The following TECRL variants were observed in gnomAD, a reference collection of about 807,000 sequenced individuals.
TECRL encodes trans-2,3-enoyl-CoA reductase like, also known as trans-2,3-enoyl-CoA reductase-like.
A neutral mutation model predicts 52.8 loss-of-function variants in TECRL; 63 were observed. The ratio of observed to expected loss-of-function variants is 1.19; its 90% confidence interval spans 0.97 to 1.47. The LOEUF (loss-of-function observed/expected upper bound fraction) is 1.47, where lower values mean the gene tolerates loss of function less well. Ranked by LOEUF, TECRL falls within the 40% of genes most tolerant of loss-of-function variation. The pLI is 0.00. For missense variants in TECRL, 482 were observed against 429.6 expected (o/e 1.12, Z -1.08); for synonymous variants, 164 against 141.9 (o/e 1.16, Z -1.10).
At position 64,328,649 on chromosome 4, in the gene TECRL, G is replaced by A. The variant is rs533944281; in HGVS notation, c.287-93C>T. On this transcript the variant is annotated intron_variant, in intron 2 of 11. Transcript: ENST00000381210. ...TCCATGGGAAGACCATTTAGATCTA[G>A]GAAGTAAATAAAATGGGTTATCTAG... The A allele has an allele frequency of 3.3e-5, 36 of 1,096,126 alleles. No individual in the cohort carries two copies. In the African/African-American group the frequency reaches 5.2e-4, roughly 16 times the overall value. The allele number at this position is 1,096,126 out of a possible 1,614,324, so 67.9% of individuals were successfully genotyped here.
At chr4:64,377,001 C>T (rs1418760979) in intron 1 of TECRL, among the ~76,000 whole-genome samples, 2 of 151,972 alleles carry the variant, frequency 1.3e-5, no homozygotes, top group East Asian at 3.9e-4. Context: ...TGCCATTCTC[C>T]ACGCCAGAAT....
At chr4:64,341,933 A>G (rs1466284078) in intron 2 of TECRL, among the ~76,000 whole-genome samples, 1 of 150,630 alleles carries the variant, frequency 6.6e-6, no homozygotes, top group Non-Finnish European at 1.5e-5. Flanking sequence ...TCCAACACTC[A>G]CTCACACACC....
At chr4:64,385,793 A>G (rs1196434305) in intron 1 of TECRL, among the ~76,000 whole-genome samples, 2 of 152,084 alleles carry the variant, frequency 1.3e-5, no homozygotes, top group Non-Finnish European at 2.9e-5. Context: ...AGCTCCTTAT[A>G]CTAGTCTTGG....
chr4:64,381,590 T>G (rs901994392), intron 1 of TECRL, among the ~76,000 whole-genome samples: 1 of 152,046 alleles, frequency 6.6e-6, no homozygotes, highest in Admixed American at 6.6e-5. Context: ...GTTTCTTTTT[T>G]TTAATCATAA....
chr4:64,348,797 A>T (rs564450382), intron 2 of TECRL, among the ~76,000 whole-genome samples: 54 of 152,272 alleles, frequency 3.5e-4, no homozygotes, highest in African/African-American at 1.2e-3. Flanking sequence ...ACAATTTTTC[A>T]TGGTTCCCGG....
chr4:64,309,767 G>T, intron 6 of TECRL, 59 bp downstream of exon 6: 1 of 1,087,786 alleles, frequency 9.2e-7, no homozygotes, highest in Non-Finnish European at 1.4e-6. Flanking sequence ...TAAATATTTT[G>T]CAAAGGATCC....
At chr4:64,357,173 T>C (rs1267446281) in intron 2 of TECRL, among the ~76,000 whole-genome samples, 1 of 152,034 alleles carries the variant, frequency 6.6e-6, no homozygotes, top group Non-Finnish European at 1.5e-5. Flanking sequence ...TCAATGTAAA[T>C]GTATTATAAG....
intron 2 of TECRL, among the ~76,000 whole-genome samples, chr4:64,347,466 A>G (rs1720069922): frequency 6.6e-6 from 1 of 152,142 alleles, no homozygotes; most frequent in East Asian, 1.9e-4. Context: ...GTTCATTTTC[A>G]CACAACTGTA....
intron 1 of TECRL, among the ~76,000 whole-genome samples, chr4:64,377,909 C>T (rs1722513623): frequency 6.6e-6 from 1 of 151,936 alleles, no homozygotes; most frequent in Non-Finnish European, 1.5e-5. Context: ...ACTGCTCATC[C>T]TGATTACAGC....
chr4:64,309,958 T>A (rs1285767477), intron 5 of TECRL, 27 bp from the exon 6 acceptor site: 2 of 1,456,364 alleles, frequency 1.4e-6, no homozygotes, highest in South Asian at 1.2e-5. Context: ...AACATAAACA[T>A]GAAAATCCTT....
At chr4:64,336,281 T>A (rs1366113771) in intron 2 of TECRL, among the ~76,000 whole-genome samples, 1 of 151,966 alleles carries the variant, frequency 6.6e-6, no homozygotes, top group Non-Finnish European at 1.5e-5. Flanking sequence ...TTCTTCTAGA[T>A]TTTCTAGTTT....
intron 2 of TECRL, among the ~76,000 whole-genome samples, chr4:64,367,541 A>C (rs1721682829): frequency 3.0e-5 from 3 of 99,240 alleles, no homozygotes. Flanking sequence ...TAAAATTCTC[A>C]TCACTTATAT....
At chr4:64,289,025 G>T (rs1250196546) in intron 9 of TECRL, among the ~76,000 whole-genome samples, 1 of 152,078 alleles carries the variant, frequency 6.6e-6, no homozygotes, top group Non-Finnish European at 1.5e-5. Flanking sequence ...GATCAGCAGG[G>T]GGTAGAAAAT....
intron 9 of TECRL, among the ~76,000 whole-genome samples, chr4:64,285,067 A>G (rs1343445461): frequency 6.6e-6 from 1 of 152,148 alleles, no homozygotes; most frequent in African/African-American, 2.4e-5. Flanking sequence ...CACAAAGGTA[A>G]TTTATCCAGA....
At chr4:64,393,402 A>G (rs143649943) in intron 1 of TECRL, among the ~76,000 whole-genome samples, 418 of 152,184 alleles carry the variant, frequency 2.7e-3, no homozygotes, top group African/African-American at 9.4e-3. Context: ...GTGTATGGAA[A>G]GATAAATAAT....
At chr4:64,284,877 T>C (rs1644868798) in intron 9 of TECRL, among the ~76,000 whole-genome samples, 1 of 152,110 alleles carries the variant, frequency 6.6e-6, no homozygotes, top group Non-Finnish European at 1.5e-5. Flanking sequence ...GAATCAGTTC[T>C]AAGACTCTAA....
chr4:64,336,385 T>C (rs1339753147), intron 2 of TECRL, among the ~76,000 whole-genome samples: 2 of 152,208 alleles, frequency 1.3e-5, no homozygotes, highest in Non-Finnish European at 2.9e-5. Flanking sequence ...TTATTGCATC[T>C]ATTTGAATCT....
intron 2 of TECRL, among the ~76,000 whole-genome samples, chr4:64,355,256 A>C (rs1720683742): frequency 6.6e-6 from 1 of 152,160 alleles, no homozygotes; most frequent in South Asian, 2.1e-4. Flanking sequence ...TGAAAACTTA[A>C]TGTGTTAAAA....
chr4:64,308,461 G>A (rs759720326), intron 6 of TECRL, among the ~76,000 whole-genome samples: 4 of 152,272 alleles, frequency 2.6e-5, no homozygotes, highest in South Asian at 2.1e-4. Flanking sequence ...GGCATGTGCC[G>A]ATGCAACAAC....
Sources: allele counts gnomAD v4.1 joint callset (sites outside exome capture counted in the v4.1 genomes callset), GRCh38; gene constraint gnomAD v4.1.1; transcripts MANE v1.5; gene names NCBI Gene and HGNC (gene_info 2026-07-23, HGNC 2026-07-21).